Variants in PPM1L observed in about 807,000 individuals in gnomAD.
PPM1L encodes the protein protein phosphatase 1L.
Under a neutral mutation model 31.4 loss-of-function variants are expected in PPM1L, and 13 were observed. The ratio of observed to expected loss-of-function variants is 0.41; its 90% CI spans 0.27 to 0.66. The LOEUF (loss-of-function observed/expected upper bound fraction) is 0.66, where lower values mean the gene tolerates loss of function less well. Ranked by LOEUF, PPM1L falls within the 30% of genes least tolerant of loss-of-function variation. PPM1L has a pLI of 0.29. For synonymous variants in PPM1L, 184 were observed against 175.4 expected, an observed-to-expected ratio of 1.05 and a Z score of -0.39; for missense variants, 326 against 453.7, an observed-to-expected ratio of 0.72 and a Z score of 2.56.
At chr3:161,033,551 A>G (rs1000747160) in intron 2 of PPM1L, among the ~76,000 whole-genome samples, 1 of 152,218 alleles carries the variant, frequency 6.6e-6, no homozygotes, top group African/African-American at 2.4e-5. Flanking sequence ...ATCTACAACT[A>G]TCTGATCTTT....
intron 1 of PPM1L, among the ~76,000 whole-genome samples, chr3:160,919,192 A>G (rs1714301355): frequency 6.6e-6 from 1 of 152,224 alleles, no homozygotes; most frequent in Non-Finnish European, 1.5e-5. Context: ...TTAGACAGGT[A>G]TTTTAATGGT....
chr3:160,818,306 G>A (rs938348711), intron 1 of PPM1L, among the ~76,000 whole-genome samples: 5 of 151,982 alleles, frequency 3.3e-5, no homozygotes, highest in African/African-American at 1.2e-4. Flanking sequence ...AAAAAGAATA[G>A]TGTCGGACAT....
chr3:161,002,299 T>C (rs1348541116), intron 2 of PPM1L, among the ~76,000 whole-genome samples: 3 of 152,172 alleles, frequency 2.0e-5, no homozygotes, highest in Non-Finnish European at 4.4e-5. Flanking sequence ...AATAAACATA[T>C]ATGTGCATGT....
At chr3:160,847,964 T>G (rs1399505278) in intron 1 of PPM1L, among the ~76,000 whole-genome samples, 3 of 152,098 alleles carry the variant, frequency 2.0e-5, no homozygotes, top group Non-Finnish European at 4.4e-5. Context: ...GTTGCTGGAA[T>G]TACCACAGTG....
intron 1 of PPM1L, among the ~76,000 whole-genome samples, chr3:160,843,585 T>C (rs1713975466): frequency 6.6e-6 from 1 of 151,174 alleles, no homozygotes; most frequent in African/African-American, 2.4e-5. Flanking sequence ...TCATTTACAT[T>C]AGGTATATCT....
intron 1 of PPM1L, among the ~76,000 whole-genome samples, chr3:160,959,569 C>G (rs1158475189): frequency 6.6e-6 from 1 of 152,184 alleles, no homozygotes; most frequent in Non-Finnish European, 1.5e-5. Context: ...GTTGCTCACG[C>G]CTGTAATCTC....
intron 1 of PPM1L, among the ~76,000 whole-genome samples, chr3:160,917,027 CA>C (rs1217328220): frequency 6.6e-6 from 1 of 152,184 alleles, no homozygotes; most frequent in African/African-American, 2.4e-5. Flanking sequence ...AGAACACAGG[CA>C]CTACTTTCAA....
At chr3:160,788,481 A>T (rs1712000951) in intron 1 of PPM1L, among the ~76,000 whole-genome samples, 1 of 152,100 alleles carries the variant, frequency 6.6e-6, no homozygotes, top group Non-Finnish European at 1.5e-5. Flanking sequence ...CTTTCTGTAG[A>T]AAGAAGATTT....
chr3:161,053,393 T>C (rs2108100341), intron 2 of PPM1L, among the ~76,000 whole-genome samples: 1 of 152,320 alleles, frequency 6.6e-6, no homozygotes, highest in South Asian at 2.1e-4. Context: ...CCAATGCATG[T>C]GATCAGTTTA....
intron 2 of PPM1L, among the ~76,000 whole-genome samples, chr3:160,995,240 G>T (rs1717273098): frequency 6.6e-6 from 1 of 152,132 alleles, no homozygotes; most frequent in South Asian, 2.1e-4. Context: ...CAAGTTTGTT[G>T]GGTGTTTTTT....
chr3:160,945,733 T>C (rs1195310175), intron 1 of PPM1L, among the ~76,000 whole-genome samples: 2 of 152,148 alleles, frequency 1.3e-5, no homozygotes, highest in East Asian at 1.9e-4. Context: ...TTCTTCTGCC[T>C]CTGTCAATCC....
In PPM1L at chr3:160,756,465, C is replaced by G; in HGVS notation, c.157C>G (p.Arg53Gly). Reference sequence around the variant, plus strand: ...GGTGAAGACCATCGTGAAGTCCAGCCGGGACGCCGTGAAGATGGTGAAGGG... The same window carrying G: ...GGTGAAGACCATCGTGAAGTCCAGCGGGGACGCCGTGAAGATGGTGAAGGG... ...DEVKTIVKSS[R>G]DAVKMVKGKV... The change falls in exon 1 of 4, where the codon CGG becomes GGG. Residue 53 changes from arginine (R) to glycine (G), a missense_variant. Transcript: ENST00000498165. The surrounding 1 kb of genome is among the most constrained non-coding windows in gnomAD (Gnocchi z 6.2). The G allele has an allele frequency of 6.2e-7, 1 of 1,614,122 alleles. No homozygotes were observed. Among genetic ancestry groups the G allele is most frequent in the Non-Finnish European group, 8.5e-7 (1 of 1,180,018 alleles).
chr3:160,947,328 C>T (rs1715439919), intron 1 of PPM1L, among the ~76,000 whole-genome samples: 1 of 152,188 alleles, frequency 6.6e-6, no homozygotes, highest in Non-Finnish European at 1.5e-5. Context: ...GCCTTTTCTC[C>T]TGTAAAATAC....
In PPM1L at chr3:160,963,248, C is replaced by T. The variant is rs192703380; in HGVS notation, c.574+1338C>T. On this transcript the variant is annotated intron_variant, in intron 2 of 3. Transcript: ENST00000498165. ...TTGCCTGAAATAATGCAGTTACTTA[C>T]TTGTAAAACTGGGACGCCAACTTCC... 2.0e-4 allele frequency among the ~76,000 whole-genome samples: 31 copies of T among 152,124 alleles called. 1 individual carries two copies. Among genetic ancestry groups the T allele is most frequent in the Admixed American group, 3.3e-4 (5 of 15,226 alleles).
chr3:161,061,547 A>T (rs538361815), intron 2 of PPM1L, among the ~76,000 whole-genome samples: 45 of 152,342 alleles, frequency 3.0e-4, no homozygotes, highest in African/African-American at 1.0e-3. Flanking sequence ...CCAACCACAG[A>T]TCAAAAATAT....
intron 1 of PPM1L, among the ~76,000 whole-genome samples, chr3:160,805,743 T>C (rs6794047): frequency 0.42 from 64,241 of 151,840 alleles, 14,356 homozygotes; most frequent in East Asian, 0.59. Flanking sequence ...AAAATAAAAA[T>C]GAACTTGAAT....
At chr3:160,914,277 T>C (rs1714077853) in intron 1 of PPM1L, among the ~76,000 whole-genome samples, 1 of 152,176 alleles carries the variant, frequency 6.6e-6, no homozygotes, top group Non-Finnish European at 1.5e-5. Flanking sequence ...CTTCTTAGTA[T>C]TGAGTTGAAG....
intron 1 of PPM1L, among the ~76,000 whole-genome samples, chr3:160,773,241 A>G (rs555853652): frequency 2.6e-5 from 4 of 152,328 alleles, no homozygotes; most frequent in Middle Eastern, 3.4e-3. Flanking sequence ...CATTTTCCTC[A>G]TAACTAATGA....
intron 1 of PPM1L, among the ~76,000 whole-genome samples, chr3:160,906,682 G>A (rs1713773886): frequency 6.6e-6 from 1 of 152,050 alleles, no homozygotes; most frequent in Non-Finnish European, 1.5e-5. Flanking sequence ...CTCTGATGAA[G>A]TTACAGTCAG....
Sources: allele counts gnomAD v4.1 joint callset (sites outside exome capture counted in the v4.1 genomes callset), GRCh38; gene constraint gnomAD v4.1.1; non-coding constraint Gnocchi (gnomAD v3.1); transcripts MANE v1.5; gene names NCBI Gene and HGNC (gene_info 2026-07-23, HGNC 2026-07-21).